The following EPSTI1 variants were observed in gnomAD, a reference collection of about 807,000 sequenced individuals.
EPSTI1 encodes the protein epithelial stromal interaction 1, also known as epithelial-stromal interaction protein 1.
EPSTI1 carries 66 observed loss-of-function variants against 49.9 expected under a neutral mutation model. The observed-to-expected ratio is 1.32, with a 90% CI of 1.08 to 1.62. The LOEUF is 1.62. EPSTI1 is among the 40% of genes most tolerant of loss of function. The probability of loss-of-function intolerance (pLI) is 0.00; values close to 1 mark genes in which losing one functional copy is unlikely to be tolerated. For synonymous variants in EPSTI1, 137 were observed against 130.7 expected (o/e 1.05, Z -0.33); for missense variants, 394 against 365.5 (o/e 1.08, Z -0.64).
Position 42,922,479 on chromosome 13 carries a change from CGGGGACA to C in EPSTI1, c.657+3850_657+3856del, listed in dbSNP as rs1238654619. Among the ~76,000 whole-genome samples, 3 of 151,468 alleles carry C rather than the reference CGGGGACA, an allele frequency of 2.0e-5. No individual in the cohort carries two copies. The East Asian group carries it at 5.8e-4, about 29-fold the overall frequency. On this transcript the variant is annotated intron_variant, in intron 7 of 10. Transcript: ENST00000313624. This position sits in a 1 kb window ranked among gnomAD's most constrained non-coding sequence, Gnocchi z 4.8. ...CATGCAGCCGTGTGCCAAGGGTTTG[CGGGGACA>C]GGGGACAGATGCCCCCCGGAAGCTT...
intron 1 of EPSTI1, among the ~76,000 whole-genome samples, chr13:42,976,747 CAT>C (rs1471853256): frequency 6.6e-6 from 1 of 152,106 alleles, no homozygotes; most frequent in East Asian, 1.9e-4. Context: ...TTGAAAGAAA[CAT>C]ACTTGTAAAA....
intron 3 of EPSTI1, among the ~76,000 whole-genome samples, chr13:42,968,048 G>T (rs1000047337): frequency 6.6e-6 from 1 of 152,116 alleles, no homozygotes; most frequent in Non-Finnish European, 1.5e-5. Flanking sequence ...GAATTAGCTA[G>T]GTCACTCTAC....
chr13:42,950,619 T>TG (rs2039065245), intron 6 of EPSTI1, among the ~76,000 whole-genome samples: 2 of 152,200 alleles, frequency 1.3e-5, no homozygotes, highest in Admixed American at 1.3e-4. Context: ...TCCAGCAACT[T>TG]GGATTTATAG....
chr13:42,974,529 G>A (rs1436977518), intron 1 of EPSTI1, among the ~76,000 whole-genome samples: 1 of 151,876 alleles, frequency 6.6e-6, no homozygotes, highest in Non-Finnish European at 1.5e-5. Flanking sequence ...CGTGGTGGTG[G>A]GCGCCTATAG....
At chr13:42,967,829 T>C (rs771242191) in intron 3 of EPSTI1, among the ~76,000 whole-genome samples, 3 of 151,938 alleles carry the variant, frequency 2.0e-5, no homozygotes, top group Non-Finnish European at 4.4e-5. Flanking sequence ...TCCCTCCACT[T>C]CCCCCTTCAA....
chr13:42,968,704 T>C (rs1223941389), intron 3 of EPSTI1, among the ~76,000 whole-genome samples: 3 of 152,084 alleles, frequency 2.0e-5, no homozygotes, highest in Non-Finnish European at 2.9e-5. Context: ...TTTCTTCAGA[T>C]TAACATTTAA....
chr13:42,926,291 T>C lies in EPSTI1; in HGVS notation c.657+45A>G, dbSNP rs147645973. 3.6e-5 allele frequency: 39 copies of C among 1,081,862 alleles called. No homozygotes were observed. The African/African-American group carries it at 4.3e-4, about 12-fold the overall frequency. 67.0% of individuals were successfully genotyped at this position (1,081,862 alleles called of 1,614,324 possible). A position where few individuals can be genotyped will look rare whatever the true frequency, so the allele number is the denominator to read the frequency against. ...CCCTCATCTTCAGTCACTAAATACC[T>C]CTATAAAATGTGCCAGGCAGCACCC... On this transcript the variant is annotated intron_variant, in intron 7 of 10. Coordinates refer to ENST00000313624, the MANE Select transcript of EPSTI1 (RefSeq NM_033255.5).
At chr13:42,965,456 A>C (rs2039576919) in intron 3 of EPSTI1, among the ~76,000 whole-genome samples, 1 of 152,174 alleles carries the variant, frequency 6.6e-6, no homozygotes, top group Non-Finnish European at 1.5e-5. Context: ...TTCCAAAGGG[A>C]GGTAATGGCC....
intron 1 of EPSTI1, among the ~76,000 whole-genome samples, chr13:42,977,369 TAA>T (rs2039900805): frequency 6.6e-6 from 1 of 152,200 alleles, no homozygotes; most frequent in Non-Finnish European, 1.5e-5. Context: ...TGTGCCCAAT[TAA>T]AAGACTACAG....
intron 1 of EPSTI1, among the ~76,000 whole-genome samples, chr13:42,985,893 C>T (rs1886154): frequency 0.073 from 11,166 of 152,228 alleles, 1,352 homozygotes; most frequent in African/African-American, 0.25. Context: ...TCCATGAATC[C>T]CCTTAAAAAC....
chr13:42,919,269 TC>T (rs1390733885), intron 7 of EPSTI1: 1 of 1,611,232 alleles, frequency 6.2e-7, no homozygotes, highest in Admixed American at 1.7e-5. Context: ...TATGAAAAGT[TC>T]AGTTACTTGC....
chr13:42,929,364 TTTA>T (rs2153422423), intron 6 of EPSTI1, among the ~76,000 whole-genome samples: 1 of 152,338 alleles, frequency 6.6e-6, no homozygotes, highest in African/African-American at 2.4e-5. Flanking sequence ...ATAGGTAAGA[TTTA>T]TTGAGATACC....
At chr13:42,964,444 T>G (rs1594740066) in intron 3 of EPSTI1, among the ~76,000 whole-genome samples, 3 of 152,346 alleles carry the variant, frequency 2.0e-5, no homozygotes, top group Non-Finnish European at 4.4e-5. Flanking sequence ...AGGTCTGTGC[T>G]AAACAGAAGA....
At chr13:42,937,969 T>G (rs2038620002) in intron 6 of EPSTI1, among the ~76,000 whole-genome samples, 1 of 152,170 alleles carries the variant, frequency 6.6e-6, no homozygotes, top group Admixed American at 6.5e-5. Flanking sequence ...AACATCAGAT[T>G]TATTCCTTGA....
chr13:42,910,956 CTGAAG>C (rs1211142462), intron 8 of EPSTI1, among the ~76,000 whole-genome samples: 1 of 129,684 alleles, frequency 7.7e-6, no homozygotes, highest in African/African-American at 3.1e-5. Context: ...TTTTAGTTCA[CTGAAG>C]TGTTTTTTAA....
At chr13:42,915,747 A>G (rs1227523173) in intron 8 of EPSTI1, among the ~76,000 whole-genome samples, 1 of 152,210 alleles carries the variant, frequency 6.6e-6, no homozygotes, top group African/African-American at 2.4e-5. Flanking sequence ...AAAAGGATAT[A>G]TAATAAAAAT....
chr13:42,920,945 G>A (rs991293777), intron 7 of EPSTI1, among the ~76,000 whole-genome samples: 23 of 151,952 alleles, frequency 1.5e-4, no homozygotes, highest in East Asian at 5.8e-4. Flanking sequence ...AACCAAATCA[G>A]TAAAATATTT....
intron 6 of EPSTI1, among the ~76,000 whole-genome samples, chr13:42,951,710 C>G (rs1480751638): frequency 6.6e-6 from 1 of 152,238 alleles, no homozygotes; most frequent in African/African-American, 2.4e-5. Context: ...TTACCCTTTA[C>G]TTTGCCATAT....
chr13:42,917,727 T>C, intron 7 of EPSTI1, 103 bp from the exon 8 acceptor site: 1 of 784,346 alleles, frequency 1.3e-6, no homozygotes, highest in Non-Finnish European at 2.1e-6. Flanking sequence ...TGCTAATAAC[T>C]CAACCTCCGT....
Sources: gnomAD v4.1 joint callset for allele counts (sites outside exome capture counted in the v4.1 genomes callset) on GRCh38, gnomAD v4.1.1 for gene constraint, Gnocchi (gnomAD v3.1) non-coding constraint, MANE v1.5 for transcripts, NCBI Gene and HGNC (gene_info 2026-07-23, HGNC 2026-07-21) for gene names.